PPARA: variants seen among roughly 807,000 people sequenced by gnomAD.
PPARA encodes the protein peroxisome proliferator-activated receptor alpha.
PPARA carries 22 observed loss-of-function variants against 42.2 expected under a neutral mutation model. The observed-to-expected ratio is 0.52, with a 90% CI of 0.37 to 0.74. The LOEUF (loss-of-function observed/expected upper bound fraction) is 0.74, where lower values mean the gene tolerates loss of function less well. Among genes scored for constraint, PPARA ranks in the 30% least tolerant of loss-of-function variants. PPARA has a pLI of 0.00. For missense variants in PPARA, 465 were observed against 608.2 expected (o/e 0.76, Z 2.48); for synonymous variants, 242 against 239.3 (o/e 1.01, Z -0.10).
chr22:46,179,291 A>T (rs1929606221), intron 3 of PPARA, among the ~76,000 whole-genome samples: 1 of 152,262 alleles, frequency 6.6e-6, no homozygotes, highest in South Asian at 2.1e-4. Flanking sequence ...AGGAAATGCC[A>T]AATGGCTTGA....
intron 2 of PPARA, among the ~76,000 whole-genome samples, chr22:46,169,030 G>T (rs888971943): frequency 9.2e-5 from 14 of 151,936 alleles, no homozygotes; most frequent in African/African-American, 3.4e-4. Flanking sequence ...GGCTCATGGG[G>T]AGGGAAAGAG....
rs1056272863 is a variant in PPARA, at chr22:46,230,505, G to A, written c.712-1287G>A. 6.6e-6 allele frequency among the ~76,000 whole-genome samples: 1 copy of A among 152,200 alleles called. No individual in the cohort carries two copies. The highest frequency in any genetic ancestry group is 6.5e-5 in the Admixed American group (1 of 15,280). ...GCTCTACCCGCAGATGTAAATTTCAGCCAACAGCAGTGTTTGTGCTCATTT... is the reference window on the plus strand; with the variant it reads ...GCTCTACCCGCAGATGTAAATTTCAACCAACAGCAGTGTTTGTGCTCATTT... On this transcript the variant is annotated intron_variant, in intron 7 of 8. Coordinates refer to ENST00000407236, the MANE Select transcript of PPARA (RefSeq NM_005036.6). This position sits in a 1 kb window ranked among gnomAD's most constrained non-coding sequence, Gnocchi z 5.0.
At chr22:46,166,358 C>G (rs2147159942) in intron 2 of PPARA, among the ~76,000 whole-genome samples, 1 of 151,820 alleles carries the variant, frequency 6.6e-6, no homozygotes, top group East Asian at 2.0e-4. Flanking sequence ...TGGCTCATGC[C>G]TGTAATCCCA....
chr22:46,159,884 C>T (rs879574306), intron 2 of PPARA, among the ~76,000 whole-genome samples: 6 of 152,212 alleles, frequency 3.9e-5, no homozygotes, highest in Admixed American at 3.9e-4. Context: ...TGACTAATGA[C>T]ACTGAGGGTG....
At chr22:46,197,115 T>C (rs1319282941) in intron 3 of PPARA, among the ~76,000 whole-genome samples, 1 of 148,488 alleles carries the variant, frequency 6.7e-6, no homozygotes, top group Non-Finnish European at 1.5e-5. Context: ...GGTGGCACCA[T>C]CTCGGCTCAC....
rs1162861606 is a variant in PPARA at position 46,185,895 on chromosome 22, CAAAAA to C, written c.-43+9077_-43+9081del. On this transcript the variant is annotated intron_variant, in intron 3 of 8. Transcript: ENST00000407236. ...GGGTGACAAAGTGAGACTCCGTCTC[CAAAAA>C]AAAAAAAAAAAAAAAAATATATATA... Among the ~76,000 whole-genome samples, 35 of 19,678 alleles carry C rather than the reference CAAAAA, an allele frequency of 1.8e-3. 1 individual carries two copies. Among genetic ancestry groups the C allele is most frequent in the African/African-American group, 3.4e-3 (20 of 5,834 alleles). 12.9% of individuals were successfully genotyped at this position (19,678 alleles called of 152,430 possible).
In PPARA at chr22:46,235,553, A is replaced by G. The variant is rs1936162718; in HGVS notation, c.*173A>G. The G allele has an allele frequency of 1.2e-6, 1 of 861,206 alleles. No individual in the cohort carries two copies. The highest frequency in any genetic ancestry group is 1.7e-5 in the African/African-American group (1 of 59,564). The allele number at this position is 861,206 out of a possible 1,614,324, so 53.3% of individuals were successfully genotyped here. ...ATTCCATATCTTTGTTTTAACCAGT[A>G]CTTCTAAGAGCATAGAACTCAAATG... On this transcript the variant is annotated 3_prime_UTR_variant, in exon 9 of 9. Transcript: ENST00000407236. This position sits in a 1 kb window ranked among gnomAD's most constrained non-coding sequence, Gnocchi z 7.0.
chr22:46,182,680 A>G lies in PPARA; in HGVS notation c.-43+5844A>G, dbSNP rs964498975. On this transcript the variant is annotated intron_variant, in intron 3 of 8. Coordinates refer to ENST00000407236, the MANE Select transcript of PPARA (RefSeq NM_005036.6). The surrounding 1 kb of genome is among the most constrained non-coding windows in gnomAD (Gnocchi z 5.2). Reference sequence around the variant, plus strand: ...ACGGCAAAAAATACCAAATTTGTACACTTTAAATATGTACAGATTATTGTA... The same window carrying G: ...ACGGCAAAAAATACCAAATTTGTACGCTTTAAATATGTACAGATTATTGTA... Among the ~76,000 whole-genome samples, 1 of 152,170 alleles carries G rather than the reference A, an allele frequency of 6.6e-6. No individual in the cohort carries two copies. Among genetic ancestry groups the G allele is most frequent in the Non-Finnish European group, 1.5e-5 (1 of 68,040 alleles).
rs1178537746 is a variant in PPARA at position 46,191,236 on chromosome 22, T to C, written c.-42-7106T>C. On this transcript the variant is annotated intron_variant, in intron 3 of 8. Coordinates refer to ENST00000407236, the MANE Select transcript of PPARA (RefSeq NM_005036.6). This position sits in a 1 kb window ranked among gnomAD's most constrained non-coding sequence, Gnocchi z 4.6. Reference sequence around the variant, plus strand: ...AAGAAAATATTTGCAAAGGACCTTCTGGGTCCAAGAACCTCATGTCCAATA... The same window carrying C: ...AAGAAAATATTTGCAAAGGACCTTCCGGGTCCAAGAACCTCATGTCCAATA... 6.6e-6 allele frequency among the ~76,000 whole-genome samples: 1 copy of C among 152,126 alleles called. No individual in the cohort carries two copies. Among genetic ancestry groups the C allele is most frequent in the African/African-American group, 2.4e-5 (1 of 41,422 alleles).
rs1385491572 is a variant in PPARA, at chr22:46,232,180, C to T, written c.1100C>T (p.Ala367Val). The T allele has an allele frequency of 1.9e-6, 3 of 1,614,044 alleles. No homozygotes were observed. Among genetic ancestry groups the T allele is most frequent in the African/African-American group, 2.7e-5 (2 of 74,924 alleles). Residue 367 changes from alanine to valine, a missense_variant, in exon 8 of 9, where the codon GCA (alanine) becomes GTA (valine). Transcript: ENST00000407236. The surrounding 1 kb of genome is among the most constrained non-coding windows in gnomAD (Gnocchi z 5.3). ...TTTGATTTTGCCATGAAGTTCAATGCACTGGAACTGGATGACAGTGATATC... is the reference window on the plus strand; with the variant it reads ...TTTGATTTTGCCATGAAGTTCAATGTACTGGAACTGGATGACAGTGATATC... ...PKFDFAMKFN[A>V]LELDDSDISL...
In PPARA at chr22:46,203,766, G is replaced by A. The variant is rs983647711; in HGVS notation, c.208+5175G>A. ...CCGCTGCGCAAGGTGAGAACTTCCC[G>A]TGGCTCCACCCCATTCTCCCAATGC... On this transcript the variant is annotated intron_variant, in intron 4 of 8. Transcript: ENST00000407236. This position sits in a 1 kb window ranked among gnomAD's most constrained non-coding sequence, Gnocchi z 5.8. Among the ~76,000 whole-genome samples the A allele has an allele frequency of 1.3e-5, 2 of 152,214 alleles. No individual in the cohort carries two copies. The highest frequency in any genetic ancestry group is 2.9e-5 in the Non-Finnish European group (2 of 68,036).
In PPARA at chr22:46,165,022, T is replaced by G. The variant is rs1926823254; in HGVS notation, c.-126-11731T>G. ...GAACTCCATTTCTTTTTTTACATTT[T>G]TATTTATTTTCATTTGTTTATTTAT... On this transcript the variant is annotated intron_variant, in intron 2 of 8. Transcript: ENST00000407236. This position sits in a 1 kb window ranked among gnomAD's most constrained non-coding sequence, Gnocchi z 5.5. The G allele has an allele frequency of 6.6e-6, 1 of 152,064 alleles. No homozygotes were observed. Among genetic ancestry groups the G allele is most frequent in the South Asian group, 2.1e-4 (1 of 4,808 alleles). 9.4% of individuals were successfully genotyped at this position (152,064 alleles called of 1,614,324 possible).
In PPARA at chr22:46,242,726, T is replaced by TGTGCGCGCGCGCGCGC. The variant is rs1354648994; in HGVS notation, c.*7347_*7348insTGCGCGCGCGCGCGCG. ...ATCTAAAATACACTGCGTACACGTG[T>TGTGCGCGCGCGCGCGC]GCGTGCACACACACACACACACACA... On this transcript the variant is annotated 3_prime_UTR_variant, in exon 9 of 9. Coordinates refer to ENST00000407236, the MANE Select transcript of PPARA (RefSeq NM_005036.6). The surrounding 1 kb of genome is among the most constrained non-coding windows in gnomAD (Gnocchi z 6.1). 7.7e-6 allele frequency: 1 copy of TGTGCGCGCGCGCGCGC among 130,440 alleles called. No homozygotes were observed. The highest frequency in any genetic ancestry group is 3.5e-5 in the African/African-American group (1 of 28,850). 8.1% of individuals were successfully genotyped at this position (130,440 alleles called of 1,614,324 possible). A position where few individuals can be genotyped will look rare whatever the true frequency, so the allele number is the denominator to read the frequency against.
Position 46,200,801 on chromosome 22 carries a change from C to T in PPARA, c.208+2210C>T, listed in dbSNP as rs573712310. Among the ~76,000 whole-genome samples the T allele has an allele frequency of 2.0e-5, 3 of 151,732 alleles. No individual in the cohort carries two copies. The highest frequency in any genetic ancestry group is 6.6e-5 in the Admixed American group (1 of 15,204). Reference sequence around the variant, plus strand: ...GGAGTGGTGGCAGGTGCCTGTAATCCCAGCTACTCTACTCAGGAGGCTGAG... The same window carrying T: ...GGAGTGGTGGCAGGTGCCTGTAATCTCAGCTACTCTACTCAGGAGGCTGAG... On this transcript the variant is annotated intron_variant, in intron 4 of 8. Transcript: ENST00000407236. This position sits in a 1 kb window ranked among gnomAD's most constrained non-coding sequence, Gnocchi z 4.8.
At position 46,240,198 on chromosome 22, in the gene PPARA, C is replaced by T; in HGVS notation, c.*4818C>T. 1 of 398,728 alleles carries T rather than the reference C, an allele frequency of 2.5e-6. No individual in the cohort carries two copies. The highest frequency in any genetic ancestry group is 4.4e-6 in the Non-Finnish European group (1 of 226,136). The allele number at this position is 398,728 out of a possible 1,614,324, so 24.7% of individuals were successfully genotyped here. On this transcript the variant is annotated 3_prime_UTR_variant, in exon 9 of 9. Coordinates refer to ENST00000407236, the MANE Select transcript of PPARA (RefSeq NM_005036.6). The surrounding 1 kb of genome is among the most constrained non-coding windows in gnomAD (Gnocchi z 6.0). ...AGCTCACCACCTATGGATGCCATGGCTCTGGGCAGCTTTCAAAGCAGGTTC... is the reference window on the plus strand; with the variant it reads ...AGCTCACCACCTATGGATGCCATGGTTCTGGGCAGCTTTCAAAGCAGGTTC...
chr22:46,181,645 G>T (rs1379548232), intron 3 of PPARA, among the ~76,000 whole-genome samples: 1 of 152,130 alleles, frequency 6.6e-6, no homozygotes, highest in African/African-American at 2.4e-5. Context: ...TTAATGTCGG[G>T]TGGCCAGCCG....
rs1355689060 is a variant in PPARA at position 46,224,572 on chromosome 22, G to A, written c.711+4558G>A. On this transcript the variant is annotated intron_variant, in intron 7 of 8. Transcript: ENST00000407236. The surrounding 1 kb of genome is among the most constrained non-coding windows in gnomAD (Gnocchi z 5.7). ...TGGGTGACCTCACAGCCCCAGCCAC[G>A]CCCCACAGAGCCTCAGGAAGGCACA... Among the ~76,000 whole-genome samples the A allele has an allele frequency of 1.3e-5, 2 of 152,190 alleles. No homozygotes were observed. Among genetic ancestry groups the A allele is most frequent in the Non-Finnish European group, 2.9e-5 (2 of 68,044 alleles).
chr22:46,161,082 TAAAAG>T lies in PPARA; in HGVS notation c.-127+9116_-127+9120del, dbSNP rs1926095147. Among the ~76,000 whole-genome samples, 1 of 152,092 alleles carries T rather than the reference TAAAAG, an allele frequency of 6.6e-6. No homozygotes were observed. The highest frequency in any genetic ancestry group is 1.5e-5 in the Non-Finnish European group (1 of 68,024). The stretch of plus-strand genomic sequence containing the variant: ...TTAATACTAATAGAGGTATAAGACT[TAAAAG>T]AAACAAGAACCCAGAGGGAAAATAT... On this transcript the variant is annotated intron_variant, in intron 2 of 8. Transcript: ENST00000407236. The surrounding 1 kb of genome is among the most constrained non-coding windows in gnomAD (Gnocchi z 4.8).
Position 46,190,674 on chromosome 22 carries a change from C to T in PPARA, c.-42-7668C>T, listed in dbSNP as rs756689635. 2.0e-5 allele frequency among the ~76,000 whole-genome samples: 3 copies of T among 152,040 alleles called. No homozygotes were observed. The highest frequency in any genetic ancestry group is 7.2e-5 in the African/African-American group (3 of 41,398). On this transcript the variant is annotated intron_variant, in intron 3 of 8. Transcript: ENST00000407236. The surrounding 1 kb of genome is among the most constrained non-coding windows in gnomAD (Gnocchi z 5.6). The stretch of plus-strand genomic sequence containing the variant: ...CTGAGGTGAGAGGATCACCTGGGCC[C>T]GGGAGATCAAGGCTGCGGTGAGCCA...
Sources: gnomAD v4.1 joint callset for allele counts (sites outside exome capture counted in the v4.1 genomes callset) on GRCh38, gnomAD v4.1.1 for gene constraint, Gnocchi (gnomAD v3.1) non-coding constraint, MANE v1.5 for transcripts, NCBI Gene and HGNC (gene_info 2026-07-23, HGNC 2026-07-21) for gene names.